Variants in KIF2A observed in about 807,000 individuals in gnomAD.
KIF2A encodes the protein kinesin-like protein KIF2A.
A neutral mutation model predicts 100.2 loss-of-function variants in KIF2A; 22 were observed. The observed-to-expected ratio is 0.22, with a 90% CI of 0.16 to 0.31. The LOEUF is 0.31. Among genes scored for constraint, KIF2A ranks in the 10% least tolerant of loss-of-function variants. KIF2A has a pLI of 1.00. For synonymous variants in KIF2A, 268 were observed against 285.9 expected (o/e 0.94, Z 0.63); for missense variants, 495 against 898.7 (o/e 0.55, Z 5.74).
intron 1 of KIF2A, among the ~76,000 whole-genome samples, chr5:62,333,079 A>G (rs1423427215): frequency 1.3e-5 from 2 of 152,228 alleles, no homozygotes; most frequent in African/African-American, 4.8e-5. Context: ...CTGTGATTCT[A>G]ACAGTCTATC....
chr5:62,306,849 C>A, intron 1 of KIF2A: 1 of 329,892 alleles, frequency 3.0e-6, no homozygotes, highest in Non-Finnish European at 5.5e-6. Flanking sequence ...CAATCTCCAG[C>A]CCCCCCCCGG....
chr5:62,353,247 A>T (rs767921213), intron 5 of KIF2A, 28 bp from the exon 6 acceptor site: 1 of 1,308,502 alleles, frequency 7.6e-7, no homozygotes, highest in Non-Finnish European at 1.0e-6. Flanking sequence ...AGAAAACTAT[A>T]CTTCTACAGC....
rs2112032290 is a variant in KIF2A at position 62,390,367 on chromosome 5, G to C, written c.*4798G>C. On this transcript the variant is annotated 3_prime_UTR_variant, in exon 21 of 21. Transcript: ENST00000407818. The stretch of plus-strand genomic sequence containing the variant: ...TTTTTACTTGAGAAGTGTAGAACTT[G>C]CTTCAGGCTACAAAACTGTATTATT... Among the ~76,000 whole-genome samples the C allele has an allele frequency of 6.6e-6, 1 of 152,290 alleles. No individual in the cohort carries two copies. The highest frequency in any genetic ancestry group is 1.9e-4 in the East Asian group (1 of 5,182).
chr5:62,366,947 T>G (rs1450766208), intron 16 of KIF2A, among the ~76,000 whole-genome samples: 1 of 152,240 alleles, frequency 6.6e-6, no homozygotes, highest in African/African-American at 2.4e-5. Flanking sequence ...AGAATCATTT[T>G]GTCAAATTCT....
rs1740930352 is a variant in KIF2A at position 62,363,979 on chromosome 5, C to G, written c.1467+80C>G. 7.7e-6 allele frequency: 8 copies of G among 1,033,304 alleles called. No homozygotes were observed. The South Asian group carries it at 1.2e-4, about 16-fold the overall frequency. The allele number at this position is 1,033,304 out of a possible 1,614,324, so 64.0% of individuals were successfully genotyped here. A position where few individuals can be genotyped will look rare whatever the true frequency, so the allele number is the denominator to read the frequency against. On this transcript the variant is annotated intron_variant, in intron 14 of 20. Transcript: ENST00000407818. ...TTTACTCAGTTGCAAAATAGTAGTA[C>G]TTGTTTTACCTAATAAAAAGAGGTT...
At chr5:62,378,450 G>C (rs867192931) in intron 19 of KIF2A, among the ~76,000 whole-genome samples, 1 of 152,118 alleles carries the variant, frequency 6.6e-6, no homozygotes, top group Middle Eastern at 3.4e-3. Flanking sequence ...AACACTTCTT[G>C]AGAAAAAAAC....
At chr5:62,368,262 TG>T (rs1469660516) in intron 16 of KIF2A, among the ~76,000 whole-genome samples, 1 of 151,822 alleles carries the variant, frequency 6.6e-6, no homozygotes, top group Non-Finnish European at 1.5e-5. Context: ...ATACTTTTCT[TG>T]TTTTTTTTTT....
Position 62,362,444 on chromosome 5 carries a change from T to C in KIF2A, c.1028-6T>C. The C allele has an allele frequency of 1.4e-6, 2 of 1,381,374 alleles. No homozygotes were observed. The highest frequency in any genetic ancestry group is 1.9e-6 in the Non-Finnish European group (2 of 1,057,432). The allele number at this position is 1,381,374 out of a possible 1,614,324, so 85.6% of individuals were successfully genotyped here. On this transcript the variant is annotated splice_region_variant and splice_polypyrimidine_tract_variant and intron_variant, in intron 11 of 20. Transcript: ENST00000407818. Reference sequence around the variant, plus strand: ...CTCAATTTTCTGTATATGAAATTTTTGACAGCTCGAGATGTCTTTTTAATG... The same window carrying C: ...CTCAATTTTCTGTATATGAAATTTTCGACAGCTCGAGATGTCTTTTTAATG...
chr5:62,379,878 C>T (rs1741701890), intron 19 of KIF2A, among the ~76,000 whole-genome samples: 1 of 152,070 alleles, frequency 6.6e-6, no homozygotes, highest in Admixed American at 6.6e-5. Context: ...CTCTTTAATT[C>T]AGAAAGATCT....
intron 16 of KIF2A, 83 bp downstream of exon 16, chr5:62,366,564 G>A (rs1022140697): frequency 7.3e-5 from 60 of 819,572 alleles, no homozygotes; most frequent in Non-Finnish European, 1.1e-4. Context: ...TCGTGCGGTG[G>A]CTCACGCCTG....
At position 62,306,206 on chromosome 5, in the gene KIF2A, A is replaced by G. The variant is rs1348170274; in HGVS notation, c.-267A>G. 5.2e-5 allele frequency: 21 copies of G among 405,618 alleles called. No homozygotes were observed. In the South Asian group the frequency reaches 6.5e-4, roughly 13 times the overall value. The allele number at this position is 405,618 out of a possible 1,614,324, so 25.1% of individuals were successfully genotyped here. On this transcript the variant is annotated 5_prime_UTR_variant, in exon 1 of 21. Coordinates refer to ENST00000407818, the MANE Select transcript of KIF2A (RefSeq NM_001098511.3). The stretch of plus-strand genomic sequence containing the variant: ...CCCGGCGGGCGGTGCGGGCCCTCCC[A>G]CTCTACCCCGCGCCGTCTCACGGCC...
Position 62,377,768 on chromosome 5 carries a change from G to C in KIF2A, c.2013+6G>C. ...ATCACAGGGCAGTGTTCCAGGTAAA[G>C]TAAGACAGGACTTTCCTTCAAAATA... On this transcript the variant is annotated splice_donor_region_variant and intron_variant, in intron 19 of 20. Coordinates refer to ENST00000407818, the MANE Select transcript of KIF2A (RefSeq NM_001098511.3). 1 of 1,412,642 alleles carries C rather than the reference G, an allele frequency of 7.1e-7. No individual in the cohort carries two copies. Among genetic ancestry groups the C allele is most frequent in the South Asian group, 1.3e-5 (1 of 76,098 alleles). 87.5% of individuals were successfully genotyped at this position (1,412,642 alleles called of 1,614,324 possible). A position where few individuals can be genotyped will look rare whatever the true frequency, so the allele number is the denominator to read the frequency against.
At chr5:62,374,571 A>AT (rs1176577196) in intron 18 of KIF2A, among the ~76,000 whole-genome samples, 2 of 152,138 alleles carry the variant, frequency 1.3e-5, no homozygotes, top group Non-Finnish European at 2.9e-5. Context: ...TTTGTCTGCT[A>AT]TTAAAATTTG....
rs541964715 is a variant in KIF2A, at chr5:62,362,619, G to C, written c.1119+78G>C. On this transcript the variant is annotated intron_variant, in intron 12 of 20. Coordinates refer to ENST00000407818, the MANE Select transcript of KIF2A (RefSeq NM_001098511.3). ...CATTTGCCATTTTAACCATTTTTAAGTTCAGTGGCATTAAATATATTCACA... is the reference window on the plus strand; with the variant it reads ...CATTTGCCATTTTAACCATTTTTAACTTCAGTGGCATTAAATATATTCACA... 3.2e-4 allele frequency: 183 copies of C among 569,332 alleles called. 2 individuals carry two copies. The East Asian group carries it at 6.8e-3, about 21-fold the overall frequency. The allele number at this position is 569,332 out of a possible 1,614,324, so 35.3% of individuals were successfully genotyped here. A position where few individuals can be genotyped will look rare whatever the true frequency, so the allele number is the denominator to read the frequency against.
At position 62,358,148 on chromosome 5, in the gene KIF2A, A is replaced by G; in HGVS notation, c.721A>G (p.Lys241Glu). Residue 241 changes from lysine (K) to glutamate (E), a missense_variant, in exon 9 of 21, where the codon AAA (lysine) becomes GAA (glutamate). Around this residue, in one of 10 missense-constraint regions of KIF2A, gnomAD observed 109 missense variants for 244.2 expected, o/e 0.45. Coordinates refer to ENST00000407818, the MANE Select transcript of KIF2A (RefSeq NM_001098511.3). ...RPLNKKETQMKDLDVITIPSK... is the reference protein window; with the variant it reads ...RPLNKKETQMEDLDVITIPSK... ...ATTTATTCTTTTAGAAACTCAAATG[A>G]AAGATCTTGATGTAATCACAATTCC... is the stretch of plus-strand genomic sequence containing the variant. The G allele has an allele frequency of 6.4e-7, 1 of 1,560,104 alleles. No homozygotes were observed.
At chr5:62,353,814 A>G (rs1747971350) in intron 6 of KIF2A, among the ~76,000 whole-genome samples, 1 of 152,138 alleles carries the variant, frequency 6.6e-6, no homozygotes, top group African/African-American at 2.4e-5. Context: ...TTGGATTTTC[A>G]TTTATGCCAC....
rs539573027 is a variant in KIF2A at position 62,369,170 on chromosome 5, T to C, written c.1646+2689T>C. ...AATGTTTTAACCTACTGTTATATCA[T>C]GTAACTCACTTGCAACATGACTAAC... On this transcript the variant is annotated intron_variant, in intron 16 of 20. Coordinates refer to ENST00000407818, the MANE Select transcript of KIF2A (RefSeq NM_001098511.3). Among the ~76,000 whole-genome samples the C allele has an allele frequency of 2.6e-5, 4 of 152,356 alleles. No individual in the cohort carries two copies. The East Asian group carries it at 7.7e-4, about 29-fold the overall frequency.
At chr5:62,359,372 A>G (rs992734861) in intron 9 of KIF2A, among the ~76,000 whole-genome samples, 1 of 152,084 alleles carries the variant, frequency 6.6e-6, no homozygotes, top group African/African-American at 2.4e-5. Context: ...AGAGTTAATG[A>G]GACTAAGAAT....
At chr5:62,378,103 T>C (rs761137462) in intron 19 of KIF2A, among the ~76,000 whole-genome samples, 1 of 152,210 alleles carries the variant, frequency 6.6e-6, no homozygotes, top group African/African-American at 2.4e-5. Flanking sequence ...AGAAAAACTC[T>C]TTTAAAGGGT....
Sources: allele counts gnomAD v4.1 joint callset (sites outside exome capture counted in the v4.1 genomes callset), GRCh38; gene constraint gnomAD v4.1.1; regional missense constraint gnomAD v4.1.1; transcripts MANE v1.5; gene names NCBI Gene and HGNC (gene_info 2026-07-23, HGNC 2026-07-21).